Variants in RPA1 observed in about 807,000 individuals in gnomAD.
The protein encoded by RPA1 is replication protein A1.
In RPA1, 49 loss-of-function variants were observed where a neutral mutation model predicts 83.0. That is an observed-to-expected ratio of 0.59 (90% CI 0.47 to 0.75). RPA1 has a LOEUF of 0.75. Ranked by LOEUF, RPA1 falls within the 30% of genes least tolerant of loss-of-function variation. The pLI, the probability that RPA1 is intolerant of heterozygous loss-of-function variation, is 0.00. For synonymous variants in RPA1, 279 were observed against 281.8 expected (o/e 0.99, Z 0.10); for missense variants, 693 against 776.1 (o/e 0.89, Z 1.27).
At chr17:1,885,214 C>T (rs1299607545) in intron 13 of RPA1, among the ~76,000 whole-genome samples, 1 of 152,230 alleles carries the variant, frequency 6.6e-6, no homozygotes. Context: ...GAGATTTCAT[C>T]TCAAGAAAGC....
intron 5 of RPA1, among the ~76,000 whole-genome samples, chr17:1,866,409 G>A (rs1913176817): frequency 6.6e-6 from 1 of 152,022 alleles, no homozygotes; most frequent in Non-Finnish European, 1.5e-5. Flanking sequence ...CTGCCTCTTG[G>A]GTTCAAGCAG....
chr17:1,869,784 C>G (rs1913311408), intron 5 of RPA1, among the ~76,000 whole-genome samples: 1 of 152,090 alleles, frequency 6.6e-6, no homozygotes, highest in Non-Finnish European at 1.5e-5. Context: ...TCTCGTGGCC[C>G]CTTGCCATTC....
At chr17:1,839,116 A>T (rs534367164) in intron 1 of RPA1, among the ~76,000 whole-genome samples, 1 of 152,262 alleles carries the variant, frequency 6.6e-6, no homozygotes, top group African/African-American at 2.4e-5. Context: ...TCGGCCTCCC[A>T]AAGTGCTGGG....
At chr17:1,860,985 G>C (rs1313766916) in intron 5 of RPA1, among the ~76,000 whole-genome samples, 1 of 152,142 alleles carries the variant, frequency 6.6e-6, no homozygotes, top group Non-Finnish European at 1.5e-5. Flanking sequence ...CTGACAGACT[G>C]TTCTACCTCG....
At chr17:1,889,394 G>GGT (rs1914123831) in intron 14 of RPA1, among the ~76,000 whole-genome samples, 1 of 150,970 alleles carries the variant, frequency 6.6e-6, no homozygotes, top group East Asian at 1.9e-4. Context: ...AGAGTGCAAT[G>GGT]GTATCATCAC....
rs575033951 is a variant in RPA1, at chr17:1,897,558, C to A, written c.*383C>A. The A allele has an allele frequency of 8.5e-5, 14 of 164,772 alleles. No homozygotes were observed. Among genetic ancestry groups the A allele is most frequent in the African/African-American group, 1.7e-4 (7 of 41,562 alleles). The allele number at this position is 164,772 out of a possible 1,614,324, so 10.2% of individuals were successfully genotyped here. A position where few individuals can be genotyped will look rare whatever the true frequency, so the allele number is the denominator to read the frequency against. On this transcript the variant is annotated 3_prime_UTR_variant, in exon 17 of 17. Coordinates refer to ENST00000254719, the MANE Select transcript of RPA1 (RefSeq NM_002945.5). ...GCTTCTCCAGTGGTGACCACCCCCC[C>A]CCATCCCCGCTCACAACTTGGGTTC...
chr17:1,893,802 C>G (rs1479869753), intron 15 of RPA1, among the ~76,000 whole-genome samples: 2 of 152,010 alleles, frequency 1.3e-5, no homozygotes, highest in Non-Finnish European at 2.9e-5. Context: ...AAATCAGTAG[C>G]TATAAATACA....
In RPA1 at chr17:1,864,324, G is replaced by A. The variant is rs1181607815; in HGVS notation, c.362-8110G>A. On this transcript the variant is annotated intron_variant, in intron 5 of 16. Transcript: ENST00000254719. ...GGCTGAGGTGGGCGAATCACCTGAG[G>A]TCAGGAGTTTGAGACCAGCCTGGCC... is the stretch of plus-strand genomic sequence containing the variant. Among the ~76,000 whole-genome samples the A allele has an allele frequency of 3.9e-5, 6 of 152,140 alleles. No individual in the cohort carries two copies. In the East Asian group the frequency reaches 5.8e-4, roughly 15 times the overall value.
At chr17:1,831,765 A>G (rs538705216) in intron 1 of RPA1, among the ~76,000 whole-genome samples, 6 of 150,820 alleles carry the variant, frequency 4.0e-5, no homozygotes, top group Non-Finnish European at 7.4e-5. Flanking sequence ...CGCCCGGCTA[A>G]TTTTTTGTAT....
At chr17:1,857,708 T>C (rs796717102) in intron 5 of RPA1, among the ~76,000 whole-genome samples, 1 of 137,126 alleles carries the variant, frequency 7.3e-6, no homozygotes. Context: ...GTTTCCACTG[T>C]CTCAGGAAGA....
intron 1 of RPA1, among the ~76,000 whole-genome samples, chr17:1,831,415 C>A (rs1011712675): frequency 6.6e-6 from 1 of 152,084 alleles, no homozygotes; most frequent in African/African-American, 2.4e-5. Context: ...TGGCTTCTCT[C>A]CATCCATACT....
At chr17:1,870,105 C>T (rs1034136319) in intron 5 of RPA1, among the ~76,000 whole-genome samples, 3 of 152,094 alleles carry the variant, frequency 2.0e-5, no homozygotes, top group Non-Finnish European at 2.9e-5. Flanking sequence ...GAGCCAGTTA[C>T]GTGGTTCCTC....
At chr17:1,856,894 A>G (rs1754885213) in intron 5 of RPA1, among the ~76,000 whole-genome samples, 1 of 151,866 alleles carries the variant, frequency 6.6e-6, no homozygotes. Flanking sequence ...CATCAATCTT[A>G]TTGATCTCAA....
At chr17:1,876,502 C>T (rs992676396) in intron 7 of RPA1, among the ~76,000 whole-genome samples, 1 of 152,156 alleles carries the variant, frequency 6.6e-6, no homozygotes, top group Admixed American at 6.6e-5. Flanking sequence ...TTGCAGTGAG[C>T]CAAGATTGTG....
intron 6 of RPA1, among the ~76,000 whole-genome samples, chr17:1,874,720 T>G (rs957632336): frequency 6.6e-6 from 1 of 152,202 alleles, no homozygotes; most frequent in Admixed American, 6.5e-5. Flanking sequence ...TACTATTGTG[T>G]GTGTATTGAT....
At chr17:1,891,759 TA>T in intron 14 of RPA1, 73 bp from the exon 15 acceptor site, 1 of 991,368 alleles carries the variant, frequency 1.0e-6, no homozygotes. Context: ...AAAAGAACAT[TA>T]ACCTCTCCCC....
chr17:1,838,577 T>C (rs1911911804), intron 1 of RPA1, among the ~76,000 whole-genome samples: 1 of 143,570 alleles, frequency 7.0e-6, no homozygotes, highest in Non-Finnish European at 1.5e-5. Flanking sequence ...CACTTCAGCC[T>C]GGGCAACAAG....
At chr17:1,832,221 G>A (rs899533968) in intron 1 of RPA1, among the ~76,000 whole-genome samples, 3 of 151,458 alleles carry the variant, frequency 2.0e-5, no homozygotes, top group Non-Finnish European at 4.4e-5. Flanking sequence ...GTGAGCCACC[G>A]CACCCGGCCC....
Position 1,895,658 on chromosome 17 carries a change from A to AGTATGTATGTAT in RPA1, c.1746+567_1746+568insGTATGTATGTAT, listed in dbSNP as rs1339016377. Among the ~76,000 whole-genome samples, 78 of 49,806 alleles carry AGTATGTATGTAT rather than the reference A, an allele frequency of 1.6e-3. 1 individual carries two copies. Among genetic ancestry groups the AGTATGTATGTAT allele is most frequent in the African/African-American group, 3.1e-3 (69 of 21,956 alleles). The allele number at this position is 49,806 out of a possible 152,430, so 32.7% of individuals were successfully genotyped here. ...CCTGAAATTGCCCATAATACCATAT[A>AGTATGTATGTAT]GTATTTATTTATTTATTTATTTATT... On this transcript the variant is annotated intron_variant, in intron 16 of 16. Coordinates refer to ENST00000254719, the MANE Select transcript of RPA1 (RefSeq NM_002945.5).
Sources: allele counts gnomAD v4.1 joint callset (sites outside exome capture counted in the v4.1 genomes callset), GRCh38; gene constraint gnomAD v4.1.1; transcripts MANE v1.5; gene names NCBI Gene and HGNC (gene_info 2026-07-23, HGNC 2026-07-21).